AVPR1B: variants seen among roughly 807,000 people sequenced by gnomAD.
AVPR1B encodes the protein vasopressin V1b receptor.
Under a neutral mutation model 27.5 loss-of-function variants are expected in AVPR1B, and 25 were observed. The ratio of observed to expected loss-of-function variants is 0.91; its 90% CI spans 0.66 to 1.27. The LOEUF (loss-of-function observed/expected upper bound fraction) is 1.27. Ranked by LOEUF, AVPR1B falls within the 50% of genes most tolerant of loss-of-function variation. The pLI is 0.00. For synonymous variants in AVPR1B, 248 were observed against 240.2 expected (o/e 1.03, Z -0.30); for missense variants, 595 against 556.9 (o/e 1.07, Z -0.69).
At position 206,116,501 on chromosome 1, in the gene AVPR1B, C is replaced by G. The variant is rs36046834; in HGVS notation, c.390G>C (p.Leu130=). Reference sequence around the variant, plus strand: ...GGTGACAGACAGCCAGGTAGCGGTCCAGCGTCATGGCCAGCAGCATGTAGG... The same window carrying G: ...GGTGACAGACAGCCAGGTAGCGGTCGAGCGTCATGGCCAGCAGCATGTAGG... ...ASTYMLLAMT[L]DRYLAVCHPL... The change falls in exon 1 of 2, where the codon CTG becomes CTC. Residue 130 remains leucine, a synonymous_variant. Coordinates refer to ENST00000367126, the MANE Select transcript of AVPR1B (RefSeq NM_000707.5). The G allele has an allele frequency of 0.013, 20,554 of 1,614,050 alleles. 378 individuals are homozygous for G. Among genetic ancestry groups the G allele is most frequent in the African/African-American group, 0.079 (5,940 of 75,036 alleles).
Position 206,116,046 on chromosome 1 carries a change from A to T in AVPR1B, c.845T>A (p.Met282Lys), listed in dbSNP as rs782443693. Residue 282 changes from methionine to lysine, a missense_variant, in exon 1 of 2, where the codon ATG (methionine) becomes AAG (lysine). Coordinates refer to ENST00000367126, the MANE Select transcript of AVPR1B (RefSeq NM_000707.5). ...ISRAKIRTVK[M>K]TFVIVLAYIA... ...GTAGGCCAGCACGATGACAAAGGTC[A>T]TCTTCACTGTTCGGATCTTGGCCCG... The T allele has an allele frequency of 1.9e-6, 3 of 1,614,244 alleles. No individual in the cohort carries two copies. The highest frequency in any genetic ancestry group is 2.2e-5 in the South Asian group (2 of 91,082).
At chr1:206,110,720 A>G in intron 1 of AVPR1B, among the ~76,000 whole-genome samples, 197 bp from the exon 2 acceptor site, 1 of 152,310 alleles carries the variant, frequency 6.6e-6, no homozygotes, top group South Asian at 2.1e-4. Context: ...GAGTCTTACC[A>G]TGCTGATTTT....
rs34518791 is a variant in AVPR1B, at chr1:206,109,699, T to TAAC, written c.*487_*489dup. On this transcript the variant is annotated 3_prime_UTR_variant, in exon 2 of 2. Transcript: ENST00000367126. ...TTTCTTCATGAAGCAATTTTCTCTC[T>TAAC]AACAACAACAACAACAACAACAAAT... 0.19 allele frequency: 29,139 copies of TAAC among 157,364 alleles called. 3,680 individuals carry two copies. The highest frequency in any genetic ancestry group is 0.36 in the African/African-American group (14,824 of 41,222). The allele number at this position is 157,364 out of a possible 1,614,324, so 9.7% of individuals were successfully genotyped here.
At chr1:206,110,952 C>T (rs28425623) in intron 1 of AVPR1B, among the ~76,000 whole-genome samples, 31,203 of 152,088 alleles carry the variant, frequency 0.21, 4,547 homozygotes, top group African/African-American at 0.41. Context: ...TCAGGCCCCG[C>T]CCATCTCCAT....
Position 206,116,650 on chromosome 1 carries a change from GGTCT to G in AVPR1B, c.237_240del (p.Asp80TrpfsTer48). On this transcript the variant is annotated frameshift_variant, in exon 1 of 2. Coordinates refer to ENST00000367126, the MANE Select transcript of AVPR1B (RefSeq NM_000707.5). LOFTEE classifies it high-confidence loss of function. ...AGCACCTGGAAGAGCGCCACGGCCA[GGTCT>G]GTCAGGGCTAAGTGCAGCACGAACA... 1 of 1,612,724 alleles carries G rather than the reference GGTCT, an allele frequency of 6.2e-7. No individual in the cohort carries two copies. Among genetic ancestry groups the G allele is most frequent in the Non-Finnish European group, 8.5e-7 (1 of 1,179,344 alleles).
chr1:206,107,836 C>T lies in AVPR1B; in HGVS notation c.*2353G>A, dbSNP rs1320685158. On this transcript the variant is annotated 3_prime_UTR_variant, in exon 2 of 2. Transcript: ENST00000367126. ...GCAATCTGGAGCCAGGCCATTGTTCCCCTCTCTAACATCTGTTGAGTGCTC... is the reference window on the plus strand; with the variant it reads ...GCAATCTGGAGCCAGGCCATTGTTCTCCTCTCTAACATCTGTTGAGTGCTC... Among the ~76,000 whole-genome samples, 1 of 152,170 alleles carries T rather than the reference C, an allele frequency of 6.6e-6. No homozygotes were observed. The highest frequency in any genetic ancestry group is 1.5e-5 in the Non-Finnish European group (1 of 68,042).
In AVPR1B at chr1:206,109,895, A is replaced by C; in HGVS notation, c.*294T>G. On this transcript the variant is annotated 3_prime_UTR_variant, in exon 2 of 2. Transcript: ENST00000367126. ...ACAGCACCATCCTAGGCCTGCCTAG[A>C]TCTGGGACACCATGTGTGCATGGAC... is the stretch of plus-strand genomic sequence containing the variant. 2.6e-6 allele frequency: 1 copy of C among 386,232 alleles called. No homozygotes were observed. The highest frequency in any genetic ancestry group is 4.3e-5 in the South Asian group (1 of 23,498). 23.9% of individuals were successfully genotyped at this position (386,232 alleles called of 1,614,324 possible). A position where few individuals can be genotyped will look rare whatever the true frequency, so the allele number is the denominator to read the frequency against.
intron 1 of AVPR1B, among the ~76,000 whole-genome samples, chr1:206,112,199 A>G (rs1650086221): frequency 7.6e-6 from 1 of 130,896 alleles, no homozygotes; most frequent in African/African-American, 4.0e-5. Context: ...CCATCTCAAG[A>G]AAAAAAAAAG....
Position 206,110,528 on chromosome 1 carries a change from CAA to C in AVPR1B, c.941-7_941-6del. 2 of 1,597,130 alleles carry C rather than the reference CAA, an allele frequency of 1.3e-6. No homozygotes were observed. Among genetic ancestry groups the C allele is most frequent in the East Asian group, 2.2e-5 (1 of 44,580 alleles). Reference sequence around the variant, plus strand: ...TGAAAGCCACATTGGTGGAATCTACCAAGAGAGAAGCATGAGAAGCCTCAGAA... The same window carrying C: ...TGAAAGCCACATTGGTGGAATCTACCGAGAGAAGCATGAGAAGCCTCAGAA... On this transcript the variant is annotated splice_polypyrimidine_tract_variant and splice_region_variant and intron_variant, in intron 1 of 1. Transcript: ENST00000367126.
In AVPR1B at chr1:206,110,115, C is replaced by G; in HGVS notation, c.*74G>C. The G allele has an allele frequency of 1.3e-6, 2 of 1,485,414 alleles. No homozygotes were observed. The highest frequency in any genetic ancestry group is 1.8e-6 in the Non-Finnish European group (2 of 1,105,032). The allele number at this position is 1,485,414 out of a possible 1,614,324, so 92.0% of individuals were successfully genotyped here. ...CTCCAACCCTTACCCTCCCAGCTCT[C>G]ATTTCCAGTGCCCGAGGTGGGCAGA... On this transcript the variant is annotated 3_prime_UTR_variant, in exon 2 of 2. Coordinates refer to ENST00000367126, the MANE Select transcript of AVPR1B (RefSeq NM_000707.5).
At position 206,116,851 on chromosome 1, in the gene AVPR1B, G is replaced by T. The variant is rs144804154; in HGVS notation, c.40C>A (p.Arg14=). 23 of 1,613,546 alleles carry T rather than the reference G, an allele frequency of 1.4e-5. No individual in the cohort carries two copies. The highest frequency in any genetic ancestry group is 1.9e-5 in the Non-Finnish European group (22 of 1,179,840). The change falls in exon 1 of 2, where the codon CGG becomes AGG. Residue 14 remains arginine (R), a synonymous_variant. Transcript: ENST00000367126. ...GPLWDANPTP[R]GTLSAPNATT... ...GCATTGGGGGCAGAGAGGGTGCCCC[G>T]AGGGGTGGGGTTGGCATCCCACAGA...
intron 1 of AVPR1B, among the ~76,000 whole-genome samples, chr1:206,112,024 T>C (rs1663389895): frequency 6.6e-6 from 1 of 152,124 alleles, no homozygotes; most frequent in East Asian, 1.9e-4. Context: ...TGAAACCCTG[T>C]CTCTACTAAA....
Position 206,110,368 on chromosome 1 carries a change from G to T in AVPR1B, c.1096C>A (p.Arg366=). ...CGGPQPRMRR[R]LSDGSLSSRH... ...CTCGAGAGGCTGCCGTCGGAGAGCC[G>T]CCGGCGCATCCTGGGCTGGGGACCC... Residue 366 remains arginine (R), a synonymous_variant, in exon 2 of 2, where the codon CGG becomes AGG. Coordinates refer to ENST00000367126, the MANE Select transcript of AVPR1B (RefSeq NM_000707.5). 6.2e-7 allele frequency: 1 copy of T among 1,609,862 alleles called. No individual in the cohort carries two copies. Among genetic ancestry groups the T allele is most frequent in the Non-Finnish European group, 8.5e-7 (1 of 1,178,544 alleles).
At chr1:206,114,805 G>A (rs1287816545) in intron 1 of AVPR1B, among the ~76,000 whole-genome samples, 1 of 152,190 alleles carries the variant, frequency 6.6e-6, no homozygotes, top group Non-Finnish European at 1.5e-5. Flanking sequence ...GAGGCCTGGG[G>A]CAAGTCATGG....
In AVPR1B at chr1:206,110,516, G is replaced by A. The variant is rs781858987; in HGVS notation, c.948C>T (p.Thr316=). Residue 316 remains threonine, a synonymous_variant, in exon 2 of 2, where the codon ACC becomes ACT. Coordinates refer to ENST00000367126, the MANE Select transcript of AVPR1B (RefSeq NM_000707.5). The part of the protein sequence containing the change: ...WDKNAPDEDS[T]NVAFTISMLL... ...GCATAGAGATGGTGAAAGCCACATTGGTGGAATCTACCAAGAGAGAAGCAT... is the reference window on the plus strand; with the variant it reads ...GCATAGAGATGGTGAAAGCCACATTAGTGGAATCTACCAAGAGAGAAGCAT... The A allele has an allele frequency of 6.2e-7, 1 of 1,606,196 alleles. No individual in the cohort carries two copies. Among genetic ancestry groups the A allele is most frequent in the South Asian group, 1.1e-5 (1 of 90,200 alleles).
At chr1:206,112,421 C>T (rs1663396044) in intron 1 of AVPR1B, among the ~76,000 whole-genome samples, 1 of 152,142 alleles carries the variant, frequency 6.6e-6, no homozygotes, top group Admixed American at 6.5e-5. Context: ...CCCCCTTCAC[C>T]TTCTGCCATG....
Position 206,116,486 on chromosome 1 carries a change from A to G in AVPR1B, c.405T>C (p.Ala135=). The part of the protein sequence containing the change: ...LLAMTLDRYL[A]VCHPLRSLQQ... ...GGAGGCTGCGCAGGGGGTGACAGAC[A>G]GCCAGGTAGCGGTCCAGCGTCATGG... The change falls in exon 1 of 2, where the codon GCT becomes GCC. Residue 135 remains alanine, a synonymous_variant. Transcript: ENST00000367126. 6.2e-7 allele frequency: 1 copy of G among 1,614,018 alleles called. No individual in the cohort carries two copies. The highest frequency in any genetic ancestry group is 1.1e-5 in the South Asian group (1 of 91,078).
At chr1:206,110,985 G>A (rs1418175558) in intron 1 of AVPR1B, among the ~76,000 whole-genome samples, 2 of 152,174 alleles carry the variant, frequency 1.3e-5, no homozygotes, top group African/African-American at 4.8e-5. Context: ...TATACATCAT[G>A]GATTCACATG....
Position 206,116,079 on chromosome 1 carries a change from G to T in AVPR1B, c.812C>A (p.Thr271Asn), listed in dbSNP as rs782208673. ...TGTTCGGATCTTGGCCCGTGAGATG[G>T]TGTTGATGCTGCTGACCCGAGATGG... ...GLPSRVSSIN[T>N]ISRAKIRTVK... The change falls in exon 1 of 2, where the codon ACC becomes AAC. Residue 271 changes from threonine (T) to asparagine (N), a missense_variant. By Grantham distance (65) the Thr-to-Asn change is moderately conservative (BLOSUM62 0). Transcript: ENST00000367126. 1 of 1,614,268 alleles carries T rather than the reference G, an allele frequency of 6.2e-7. No homozygotes were observed. Among genetic ancestry groups the T allele is most frequent in the South Asian group, 1.1e-5 (1 of 91,088 alleles).
Sources: gnomAD v4.1 joint callset for allele counts (sites outside exome capture counted in the v4.1 genomes callset) on GRCh38, gnomAD v4.1.1 for gene constraint, MANE v1.5 for transcripts, NCBI Gene and HGNC (gene_info 2026-07-23, HGNC 2026-07-21) for gene names.